PPARGC1A: variants seen among roughly 807,000 people sequenced by gnomAD.
PPARGC1A encodes peroxisome proliferator-activated receptor gamma coactivator 1-alpha.
In PPARGC1A, 25 loss-of-function variants were observed where a neutral mutation model predicts 88.7. The ratio of observed to expected loss-of-function variants is 0.28; its 90% CI spans 0.21 to 0.39. PPARGC1A has a LOEUF of 0.39. Among genes scored for constraint, PPARGC1A ranks in the 10% least tolerant of loss-of-function variants. The pLI is 1.00. For missense variants in PPARGC1A, 880 were observed against 968.7 expected (o/e 0.91, Z 1.22); for synonymous variants, 363 against 355.6 (o/e 1.02, Z -0.24).
the PPARGC1A span, among the ~76,000 whole-genome samples, chr4:24,413,942 C>T: frequency 6.6e-6 from 1 of 152,018 alleles, no homozygotes; most frequent in African/African-American, 2.4e-5. Flanking sequence ...GAAATACTAC[C>T]GGGATTTTGA....
chr4:24,201,120 G>A, the PPARGC1A span, among the ~76,000 whole-genome samples: 1 of 152,130 alleles, frequency 6.6e-6, no homozygotes, highest in Non-Finnish European at 1.5e-5. Context: ...GAGCACTTAA[G>A]TATTTAGAAA....
the PPARGC1A span, among the ~76,000 whole-genome samples, chr4:24,434,503 G>A: frequency 6.6e-6 from 1 of 152,190 alleles, no homozygotes. Flanking sequence ...CTCAGTGAAA[G>A]TTTCCAGGCG....
the PPARGC1A span, among the ~76,000 whole-genome samples, chr4:23,934,720 T>C: frequency 6.6e-6 from 1 of 152,216 alleles, no homozygotes; most frequent in Admixed American, 6.5e-5. Context: ...AGTTAGGCAC[T>C]ATGATATAGG....
At chr4:23,925,805 A>G in the PPARGC1A span, among the ~76,000 whole-genome samples, 2 of 152,010 alleles carry the variant, frequency 1.3e-5, no homozygotes, top group African/African-American at 2.4e-5. Context: ...TTAGCACTAG[A>G]TAGTTACTTG....
chr4:24,230,117 G>A, the PPARGC1A span, among the ~76,000 whole-genome samples: 1 of 152,148 alleles, frequency 6.6e-6, no homozygotes, highest in Non-Finnish European at 1.5e-5. Flanking sequence ...CTAGACTGGG[G>A]TTATTACCAT....
At chr4:24,174,303 G>A in the PPARGC1A span, among the ~76,000 whole-genome samples, 1 of 152,192 alleles carries the variant, frequency 6.6e-6, no homozygotes, top group Non-Finnish European at 1.5e-5. Flanking sequence ...CTGACCATAA[G>A]AATCACCTGA....
At chr4:24,401,019 T>TTC in the PPARGC1A span, among the ~76,000 whole-genome samples, 4 of 136,180 alleles carry the variant, frequency 2.9e-5, no homozygotes, top group African/African-American at 8.4e-5. Context: ...AATTTTCTTT[T>TTC]TTTTTTTTTT....
chr4:23,954,582 T>C, the PPARGC1A span, among the ~76,000 whole-genome samples: 23,898 of 151,958 alleles, frequency 0.16, 2,710 homozygotes, highest in Admixed American at 0.33. Context: ...ATAATTCTTA[T>C]AGATGCCAAT....
chr4:23,798,784 C>G (rs896748749), intron 12 of PPARGC1A, among the ~76,000 whole-genome samples: 1 of 152,100 alleles, frequency 6.6e-6, no homozygotes, highest in African/African-American at 2.4e-5. Flanking sequence ...GAAAGACACA[C>G]AGACTACTGA....
chr4:24,084,003 C>T, the PPARGC1A span, among the ~76,000 whole-genome samples: 1 of 152,176 alleles, frequency 6.6e-6, no homozygotes, highest in Non-Finnish European at 1.5e-5. Flanking sequence ...CCAAGTTTGC[C>T]CATGAGGGAG....
the PPARGC1A span, among the ~76,000 whole-genome samples, chr4:24,121,102 G>T: frequency 6.6e-6 from 1 of 152,190 alleles, no homozygotes; most frequent in Non-Finnish European, 1.5e-5. Context: ...AGCCTGGCAA[G>T]GTTATTGTGA....
the PPARGC1A span, among the ~76,000 whole-genome samples, chr4:24,058,696 C>T: frequency 6.6e-6 from 1 of 152,194 alleles, no homozygotes; most frequent in Non-Finnish European, 1.5e-5. Flanking sequence ...CCTGTAATCC[C>T]AGCACTTTGG....
At chr4:24,034,781 G>A in the PPARGC1A span, among the ~76,000 whole-genome samples, 41 of 152,294 alleles carry the variant, frequency 2.7e-4, no homozygotes, top group African/African-American at 9.6e-4. Flanking sequence ...GTAAGTGATT[G>A]AGAATAAAGA....
the PPARGC1A span, among the ~76,000 whole-genome samples, chr4:24,040,624 T>C: frequency 2.0e-5 from 3 of 152,192 alleles, no homozygotes; most frequent in Admixed American, 6.5e-5. Flanking sequence ...CTAATTACAA[T>C]AATGAACTCT....
chr4:24,339,237 T>TATATATAC, the PPARGC1A span, among the ~76,000 whole-genome samples: 44 of 104,306 alleles, frequency 4.2e-4, no homozygotes, highest in South Asian at 1.7e-3. Flanking sequence ...TATATATATA[T>TATATATAC]ACACACACAC....
the PPARGC1A span, among the ~76,000 whole-genome samples, chr4:23,979,264 G>A: frequency 6.6e-6 from 1 of 152,090 alleles, no homozygotes; most frequent in African/African-American, 2.4e-5. Flanking sequence ...TTTAACATCA[G>A]CAAGCCCAAA....
At chr4:24,158,539 G>A in the PPARGC1A span, among the ~76,000 whole-genome samples, 1 of 152,254 alleles carries the variant, frequency 6.6e-6, no homozygotes, top group African/African-American at 2.4e-5. Flanking sequence ...GCTTTTACAG[G>A]CCTAGATAAT....
chr4:24,139,524 C>A, the PPARGC1A span, among the ~76,000 whole-genome samples: 1 of 152,088 alleles, frequency 6.6e-6, no homozygotes, highest in East Asian at 1.9e-4. Context: ...ACAGACAATA[C>A]GTGAAGAGAA....
At chr4:23,953,827 T>C in the PPARGC1A span, among the ~76,000 whole-genome samples, 1 of 151,872 alleles carries the variant, frequency 6.6e-6, no homozygotes, top group Non-Finnish European at 1.5e-5. Flanking sequence ...AAGAAGAAAA[T>C]ACAAGGCTAC....
Sources: allele counts gnomAD v4.1 joint callset (sites outside exome capture counted in the v4.1 genomes callset), GRCh38; gene constraint gnomAD v4.1.1; transcripts MANE v1.5; gene names NCBI Gene and HGNC (gene_info 2026-07-23, HGNC 2026-07-21).